The following HS3ST5 variants were observed in gnomAD, a reference collection of about 807,000 sequenced individuals.
HS3ST5 encodes the protein heparan sulfate glucosamine 3-O-sulfotransferase 5.
A neutral mutation model predicts 25.4 loss-of-function variants in HS3ST5; 10 were observed. That is an observed-to-expected ratio of 0.39 (90% CI 0.24 to 0.67). The LOEUF is 0.67. Among genes scored for constraint, HS3ST5 ranks in the 30% least tolerant of loss-of-function variants. The pLI is 0.44. For synonymous variants in HS3ST5, 170 were observed against 162.4 expected (o/e 1.05, Z -0.36); for missense variants, 324 against 420.7 (o/e 0.77, Z 2.01).
intron 1 of HS3ST5, among the ~76,000 whole-genome samples, chr6:114,264,354 C>A (rs764828436): frequency 3.3e-5 from 5 of 152,128 alleles, no homozygotes; most frequent in Admixed American, 1.3e-4. Flanking sequence ...GAAAAGGACA[C>A]GTATAATCTA....
intron 1 of HS3ST5, among the ~76,000 whole-genome samples, chr6:114,326,598 T>A (rs1776185537): frequency 6.6e-6 from 1 of 152,202 alleles, no homozygotes; most frequent in Non-Finnish European, 1.5e-5. Context: ...TTGGAAAGTT[T>A]TCTAGTTGAA....
chr6:114,258,285 G>C (rs1173350598), intron 1 of HS3ST5, among the ~76,000 whole-genome samples: 1 of 152,080 alleles, frequency 6.6e-6, no homozygotes, highest in Non-Finnish European at 1.5e-5. Context: ...CTTGTTTCAG[G>C]TCTTGAAGAC....
chr6:114,161,501 G>A (rs1391974306), intron 3 of HS3ST5, among the ~76,000 whole-genome samples: 1 of 107,102 alleles, frequency 9.3e-6, no homozygotes, highest in Admixed American at 1.2e-4. Context: ...ATTCTAAAAC[G>A]ACAGTTGCTT....
chr6:114,073,431 A>G (rs1287611470), intron 3 of HS3ST5, among the ~76,000 whole-genome samples: 1 of 152,238 alleles, frequency 6.6e-6, no homozygotes, highest in Non-Finnish European at 1.5e-5. Context: ...CAAAGAGCTT[A>G]AACACATTCA....
chr6:114,303,514 AT>A (rs754384205), intron 1 of HS3ST5, among the ~76,000 whole-genome samples: 7 of 151,196 alleles, frequency 4.6e-5, no homozygotes, highest in East Asian at 1.9e-4. Context: ...TTTAAAAACA[AT>A]TTTTTTTTAC....
chr6:114,224,261 A>C (rs1261563377), intron 2 of HS3ST5, among the ~76,000 whole-genome samples: 2 of 151,834 alleles, frequency 1.3e-5, no homozygotes, highest in East Asian at 3.9e-4. Context: ...TAAAGAAATA[A>C]GTGTATTTTT....
At chr6:114,119,311 C>T (rs575665059) in intron 3 of HS3ST5, among the ~76,000 whole-genome samples, 26 of 152,304 alleles carry the variant, frequency 1.7e-4, no homozygotes, top group African/African-American at 6.3e-4. Context: ...GGAGACTCAT[C>T]CATTTGATAG....
At chr6:114,248,507 A>T (rs1028677621) in intron 1 of HS3ST5, among the ~76,000 whole-genome samples, 1 of 152,030 alleles carries the variant, frequency 6.6e-6, no homozygotes, top group Non-Finnish European at 1.5e-5. Flanking sequence ...AAATTAAAAT[A>T]AAAAAATTTC....
intron 3 of HS3ST5, among the ~76,000 whole-genome samples, chr6:114,128,717 A>C (rs1777170056): frequency 6.6e-6 from 1 of 152,236 alleles, no homozygotes; most frequent in African/African-American, 2.4e-5. Context: ...CCAGCTTAGG[A>C]GCATGCCAAG....
intron 3 of HS3ST5, among the ~76,000 whole-genome samples, chr6:114,161,542 TATATATATATATATATATATA>T (rs1292579861): frequency 1.3e-5 from 1 of 74,728 alleles, no homozygotes; most frequent in East Asian, 4.2e-4. Flanking sequence ...TATATATATA[TATATATATATATATATATATA>T]TATATATATA....
chr6:114,237,311 TAAAAC>T (rs1369750070), intron 1 of HS3ST5, among the ~76,000 whole-genome samples: 1 of 149,352 alleles, frequency 6.7e-6, no homozygotes, highest in African/African-American at 2.5e-5. Flanking sequence ...AAGTCAAAAA[TAAAAC>T]AAGATACGAG....
At chr6:114,258,596 T>C (rs1353201835) in intron 1 of HS3ST5, among the ~76,000 whole-genome samples, 1 of 152,164 alleles carries the variant, frequency 6.6e-6, no homozygotes, top group Non-Finnish European at 1.5e-5. Flanking sequence ...TGCCGGCCAC[T>C]TGGGGCCAGA....
intron 1 of HS3ST5, among the ~76,000 whole-genome samples, chr6:114,287,804 T>G (rs1238863046): frequency 6.6e-6 from 1 of 152,034 alleles, no homozygotes; most frequent in African/African-American, 2.4e-5. Flanking sequence ...ATTTCTGAAA[T>G]TGTCCAATGC....
At chr6:114,101,214 G>A (rs916359869) in intron 3 of HS3ST5, among the ~76,000 whole-genome samples, 2 of 151,978 alleles carry the variant, frequency 1.3e-5, no homozygotes, top group Non-Finnish European at 2.9e-5. Flanking sequence ...GCCACAAAAG[G>A]GTTATTAAGC....
intron 1 of HS3ST5, among the ~76,000 whole-genome samples, chr6:114,264,492 C>T (rs1456325666): frequency 6.6e-6 from 1 of 151,964 alleles, no homozygotes; most frequent in East Asian, 1.9e-4. Context: ...TCATCTTGCC[C>T]AGTGAAATTT....
intron 1 of HS3ST5, among the ~76,000 whole-genome samples, chr6:114,268,808 A>C (rs945061027): frequency 3.3e-5 from 5 of 152,154 alleles, no homozygotes; most frequent in African/African-American, 1.2e-4. Context: ...GACAAGTGCA[A>C]GAGAGGAGGC....
rs564327355 is a variant in HS3ST5, at chr6:114,160,590, C to A, written c.-33+7761G>T. Among the ~76,000 whole-genome samples, 95 of 152,150 alleles carry A rather than the reference C, an allele frequency of 6.2e-4. 1 individual carries two copies. The highest frequency in any genetic ancestry group is 2.1e-3 in the African/African-American group (87 of 41,540). On this transcript the variant is annotated intron_variant, in intron 3 of 4. Coordinates refer to ENST00000312719, the MANE Select transcript of HS3ST5 (RefSeq NM_153612.4). ...ATTAGCTTTCAGGGAAAAACACTTA[C>A]AATTTATATTTTCTATTTTTCAGTA...
chr6:114,217,623 A>G (rs893809537), intron 2 of HS3ST5, among the ~76,000 whole-genome samples: 1 of 152,208 alleles, frequency 6.6e-6, no homozygotes, highest in Non-Finnish European at 1.5e-5. Context: ...TGTAGTTTAC[A>G]ATGTAAAGTA....
chr6:114,068,496 A>G (rs1199299515), intron 3 of HS3ST5, among the ~76,000 whole-genome samples: 2 of 152,164 alleles, frequency 1.3e-5, no homozygotes, highest in Non-Finnish European at 2.9e-5. Flanking sequence ...TGAATCTGCC[A>G]GGATGGTGTC....
Sources: allele counts gnomAD v4.1 joint callset (sites outside exome capture counted in the v4.1 genomes callset), GRCh38; gene constraint gnomAD v4.1.1; transcripts MANE v1.5; gene names NCBI Gene and HGNC (gene_info 2026-07-23, HGNC 2026-07-21).